SNTB1: variants seen among roughly 807,000 people sequenced by gnomAD.
SNTB1 encodes syntrophin beta 1, also known as beta-1-syntrophin.
Under a neutral mutation model 48.9 loss-of-function variants are expected in SNTB1, and 36 were observed. The observed-to-expected ratio is 0.74, with a 90% CI of 0.56 to 0.97. The LOEUF (loss-of-function observed/expected upper bound fraction) is 0.97. Ranked by LOEUF, SNTB1 falls within the 50% of genes least tolerant of loss-of-function variation. SNTB1 has a pLI of 0.00. For missense variants in SNTB1, 786 were observed against 703.4 expected, an observed-to-expected ratio of 1.12 and a Z score of -1.33; for synonymous variants, 299 against 294.6, an observed-to-expected ratio of 1.01 and a Z score of -0.15.
intron 2 of SNTB1, among the ~76,000 whole-genome samples, chr8:120,666,633 G>C (rs1036700979): frequency 5.3e-5 from 8 of 151,996 alleles, no homozygotes; most frequent in Non-Finnish European, 8.8e-5. Flanking sequence ...GGGGTTTACA[G>C]TTTTTATCAA....
chr8:120,742,226 T>G (rs531295019), intron 1 of SNTB1, among the ~76,000 whole-genome samples: 42 of 152,358 alleles, frequency 2.8e-4, no homozygotes, highest in Middle Eastern at 6.8e-3. Flanking sequence ...GCCCCTGGCT[T>G]AAGTAAAACC....
At chr8:120,552,736 G>A (rs922126283) in intron 4 of SNTB1, among the ~76,000 whole-genome samples, 4 of 152,130 alleles carry the variant, frequency 2.6e-5, no homozygotes, top group Non-Finnish European at 5.9e-5. Flanking sequence ...GGGGATTGGT[G>A]GGAGATGGTT....
chr8:120,615,344 G>C (rs1420730567), intron 3 of SNTB1, among the ~76,000 whole-genome samples: 1 of 152,120 alleles, frequency 6.6e-6, no homozygotes, highest in East Asian at 1.9e-4. Context: ...CAATATGTCT[G>C]ATCTTAGGTC....
rs535121265 is a variant in SNTB1 at position 120,555,027 on chromosome 8, C to A, written c.1137-6069G>T. On this transcript the variant is annotated intron_variant, in intron 4 of 6. Transcript: ENST00000517992. The stretch of plus-strand genomic sequence containing the variant: ...ATTTCTTCATTCACCAAGTGATATA[C>A]TCAACAAATATTTATGGAGCACTGT... 1.8e-4 allele frequency among the ~76,000 whole-genome samples: 28 copies of A among 152,310 alleles called. No individual in the cohort carries two copies. In the South Asian group the frequency reaches 5.2e-3, roughly 28 times the overall value.
At chr8:120,610,773 A>C (rs903770872) in intron 3 of SNTB1, among the ~76,000 whole-genome samples, 1 of 152,090 alleles carries the variant, frequency 6.6e-6, no homozygotes, top group East Asian at 1.9e-4. Context: ...GATCAGTTTC[A>C]GGTGTTTTCT....
chr8:120,541,940 A>G lies in SNTB1; in HGVS notation c.1394T>C (p.Ile465Thr). 1.2e-6 allele frequency: 2 copies of G among 1,613,990 alleles called. No homozygotes were observed. The highest frequency in any genetic ancestry group is 2.2e-5 in the East Asian group (1 of 44,840). The part of the protein sequence containing the change: ...LTIHYENGFS[I>T]TTEPQEGAFP... ...GGCACCCTCCTGTGGTTCAGTGGTA[A>G]TAGAAAATCCATTCTCATAATGTAT... is the stretch of plus-strand genomic sequence containing the variant. Residue 465 changes from isoleucine (I) to threonine (T), a missense_variant, in exon 6 of 7, where the codon ATT (isoleucine) becomes ACT (threonine). Ile to Thr is a moderately conservative substitution (Grantham distance 89, BLOSUM62 -1). Transcript: ENST00000517992.
chr8:120,704,142 G>A (rs1587101918), intron 1 of SNTB1, among the ~76,000 whole-genome samples: 2 of 152,058 alleles, frequency 1.3e-5, no homozygotes, highest in South Asian at 2.1e-4. Flanking sequence ...AAAAATTTTC[G>A]AAGTCATGTT....
In SNTB1 at chr8:120,676,122, A is replaced by C. The variant is rs548955788; in HGVS notation, c.788+17570T>G. On this transcript the variant is annotated intron_variant, in intron 2 of 6. Coordinates refer to ENST00000517992, the MANE Select transcript of SNTB1 (RefSeq NM_021021.4). ...GATTGTTGAAATAAGTAAGCTTGTG[A>C]CTATGGGTAGTTTAAGTTTGACCTT... is the stretch of plus-strand genomic sequence containing the variant. Among the ~76,000 whole-genome samples, 8 of 152,354 alleles carry C rather than the reference A, an allele frequency of 5.3e-5. No homozygotes were observed. The South Asian group carries it at 1.7e-3, about 32-fold the overall frequency.
chr8:120,764,840 C>A (rs1317917260), intron 1 of SNTB1, among the ~76,000 whole-genome samples: 1 of 152,150 alleles, frequency 6.6e-6, no homozygotes, highest in East Asian at 1.9e-4. Context: ...TTGACAGATT[C>A]TTTGTTGCCT....
chr8:120,606,858 C>G (rs370602928), intron 3 of SNTB1, among the ~76,000 whole-genome samples: 11 of 152,254 alleles, frequency 7.2e-5, no homozygotes, highest in Admixed American at 2.6e-4. Context: ...ACACAAGAAA[C>G]GTTCCTGTTT....
At chr8:120,686,705 AC>A (rs752540826) in intron 2 of SNTB1, among the ~76,000 whole-genome samples, 1 of 152,164 alleles carries the variant, frequency 6.6e-6, no homozygotes, top group Admixed American at 6.5e-5. Context: ...TGGGATTTAA[AC>A]CCATATTTTC....
chr8:120,592,984 T>G (rs369323015), intron 3 of SNTB1, among the ~76,000 whole-genome samples: 2 of 152,232 alleles, frequency 1.3e-5, no homozygotes, highest in East Asian at 1.9e-4. Flanking sequence ...CATGGCTTTT[T>G]TTGTTGTTGT....
chr8:120,591,732 C>T (rs949435513), intron 3 of SNTB1, among the ~76,000 whole-genome samples: 89 of 152,148 alleles, frequency 5.8e-4, no homozygotes, highest in African/African-American at 1.9e-3. Flanking sequence ...ACTTGTTCCC[C>T]TGGGTGTCCT....
intron 1 of SNTB1, chr8:120,769,383 G>A (rs1426630281): frequency 1.3e-5 from 2 of 152,174 alleles, no homozygotes; most frequent in Non-Finnish European, 2.9e-5. Flanking sequence ...CTATTGACAA[G>A]TGAGTCAATT....
intron 2 of SNTB1, among the ~76,000 whole-genome samples, chr8:120,671,605 C>T (rs886702672): frequency 3.3e-5 from 5 of 152,208 alleles, no homozygotes; most frequent in Non-Finnish European, 5.9e-5. Context: ...GCGGTTTTGG[C>T]CATCAAGACA....
intron 2 of SNTB1, among the ~76,000 whole-genome samples, chr8:120,673,170 G>T (rs1817783135): frequency 6.6e-6 from 1 of 152,096 alleles, no homozygotes; most frequent in Non-Finnish European, 1.5e-5. Flanking sequence ...TTTCCTGCTG[G>T]ATTCTCAGGT....
chr8:120,643,828 A>C (rs1587057184), intron 2 of SNTB1, among the ~76,000 whole-genome samples: 2 of 152,336 alleles, frequency 1.3e-5, no homozygotes, highest in Non-Finnish European at 2.9e-5. Context: ...ATAGTTCTTT[A>C]AGGAACCTCC....
chr8:120,622,522 G>T (rs1490519689), intron 3 of SNTB1, among the ~76,000 whole-genome samples: 1 of 152,008 alleles, frequency 6.6e-6, no homozygotes, highest in East Asian at 1.9e-4. Flanking sequence ...AGGATGCAAA[G>T]AAACTCTGAA....
At chr8:120,767,303 A>G (rs1220299625) in intron 1 of SNTB1, among the ~76,000 whole-genome samples, 1 of 152,200 alleles carries the variant, frequency 6.6e-6, no homozygotes, top group African/African-American at 2.4e-5. Context: ...AGGAAAGCTG[A>G]ATGATGATTC....
Sources: allele counts gnomAD v4.1 joint callset (sites outside exome capture counted in the v4.1 genomes callset), GRCh38; gene constraint gnomAD v4.1.1; transcripts MANE v1.5; gene names NCBI Gene and HGNC (gene_info 2026-07-23, HGNC 2026-07-21).